The following TEAD1 variants were observed in gnomAD, a reference collection of about 807,000 sequenced individuals.
The protein encoded by TEAD1 is TEA domain transcription factor 1.
In TEAD1, 9 loss-of-function variants were observed where a neutral mutation model predicts 54.9. That is an observed-to-expected ratio of 0.16 (90% confidence interval 0.10 to 0.29). TEAD1 has a LOEUF of 0.29. TEAD1 is among the 10% of genes least tolerant of loss of function. TEAD1 has a pLI of 1.00. For missense variants in TEAD1, 387 were observed against 535.9 expected (o/e 0.72, Z 2.74); for synonymous variants, 200 against 187.8 (o/e 1.07, Z -0.53).
chr11:12,692,573 A>G (rs1037087150), intron 2 of TEAD1, among the ~76,000 whole-genome samples: 12 of 152,100 alleles, frequency 7.9e-5, no homozygotes, highest in East Asian at 1.9e-4. Flanking sequence ...AGGAAAGTAC[A>G]GTATTGTAGG....
chr11:12,915,795 C>T (rs1202906611), intron 10 of TEAD1, among the ~76,000 whole-genome samples: 1 of 152,144 alleles, frequency 6.6e-6, no homozygotes, highest in African/African-American at 2.4e-5. Context: ...AGTGAGCCAA[C>T]ATTGTGCCAC....
intron 12 of TEAD1, among the ~76,000 whole-genome samples, chr11:12,936,369 A>G (rs1323351098): frequency 2.6e-5 from 4 of 152,208 alleles, no homozygotes; most frequent in East Asian, 3.9e-4. Flanking sequence ...GCCCATGTCT[A>G]TGGAAAGAAT....
intron 3 of TEAD1, among the ~76,000 whole-genome samples, chr11:12,837,865 C>T (rs1449227384): frequency 2.0e-5 from 3 of 146,824 alleles, no homozygotes; most frequent in South Asian, 2.1e-4. Context: ...TGCAATGGCG[C>T]GATCTCATCT....
chr11:12,713,692 T>G (rs1371628282), intron 2 of TEAD1, among the ~76,000 whole-genome samples: 1 of 152,176 alleles, frequency 6.6e-6, no homozygotes, highest in East Asian at 1.9e-4. Flanking sequence ...TTATATCTCA[T>G]AGGACAAAAA....
At chr11:12,783,098 T>TTGTGTGTGTGTGTGTGTGTG (rs34564715) in intron 3 of TEAD1, among the ~76,000 whole-genome samples, 4 of 139,272 alleles carry the variant, frequency 2.9e-5, no homozygotes, top group African/African-American at 1.1e-4. Flanking sequence ...AGGTAAGGGT[T>TTGTGTGTGTGTGTGTGTGTG]TGTGTGTGTG....
chr11:12,882,899 G>A, intron 8 of TEAD1, 102 bp from the exon 9 acceptor site: 1 of 1,576,670 alleles, frequency 6.3e-7, no homozygotes, highest in African/African-American at 1.3e-5. Flanking sequence ...GGGGGCTGTT[G>A]GCATTTCCTT....
chr11:12,817,540 A>C (rs1946441512), intron 3 of TEAD1, among the ~76,000 whole-genome samples: 1 of 152,160 alleles, frequency 6.6e-6, no homozygotes, highest in South Asian at 2.1e-4. Flanking sequence ...ACCTCTTCAA[A>C]ATTTGTCGAC....
intron 3 of TEAD1, among the ~76,000 whole-genome samples, chr11:12,769,621 C>T (rs2133932984): frequency 6.6e-6 from 1 of 152,154 alleles, no homozygotes; most frequent in East Asian, 1.9e-4. Flanking sequence ...TGGAAATGGC[C>T]ATAGACTCCC....
rs547501224 is a variant in TEAD1, at chr11:12,688,282, A to G, written c.-55+12721A>G. 3.3e-5 allele frequency among the ~76,000 whole-genome samples: 5 copies of G among 152,278 alleles called. No individual in the cohort carries two copies. In the East Asian group the frequency reaches 5.8e-4, roughly 18 times the overall value. The stretch of plus-strand genomic sequence containing the variant: ...AGCCCTTCATAATCAGGACTCTGAA[A>G]AAGACACTGGGTCTTTGAAATGGGG... On this transcript the variant is annotated intron_variant, in intron 2 of 12. Coordinates refer to ENST00000527636, the MANE Select transcript of TEAD1 (RefSeq NM_021961.6).
At chr11:12,906,333 AGATCAAGACCATCCTGGCTAACACGG>A (rs1948518670) in intron 10 of TEAD1, among the ~76,000 whole-genome samples, 1 of 152,038 alleles carries the variant, frequency 6.6e-6, no homozygotes, top group South Asian at 2.1e-4. Flanking sequence ...TGAGGTCAGG[AGATCAAGACCATCCTGGCTAACACGG>A]TGAAACCCCA....
At chr11:12,688,491 C>G (rs988193706) in intron 2 of TEAD1, among the ~76,000 whole-genome samples, 2 of 152,204 alleles carry the variant, frequency 1.3e-5, no homozygotes, top group African/African-American at 4.8e-5. Flanking sequence ...CGCTTCCCAA[C>G]TTGCTTGTAC....
At chr11:12,771,784 T>C (rs1177877644) in intron 3 of TEAD1, among the ~76,000 whole-genome samples, 1 of 152,170 alleles carries the variant, frequency 6.6e-6, no homozygotes, top group Non-Finnish European at 1.5e-5. Flanking sequence ...GCTCACAATT[T>C]ATCAAGGGCA....
chr11:12,900,380 C>T (rs540554644), intron 9 of TEAD1, among the ~76,000 whole-genome samples: 3 of 152,274 alleles, frequency 2.0e-5, no homozygotes, highest in South Asian at 2.1e-4. Context: ...GCTTTTAATA[C>T]GCTAGTATTT....
chr11:12,815,826 C>T (rs1315237547), intron 3 of TEAD1, among the ~76,000 whole-genome samples: 3 of 152,232 alleles, frequency 2.0e-5, no homozygotes, highest in African/African-American at 7.2e-5. Flanking sequence ...CACACCAACA[C>T]ATATAAGTTG....
In TEAD1 at chr11:12,924,906, C is replaced by A; in HGVS notation, c.874-6C>A. 1 of 1,614,114 alleles carries A rather than the reference C, an allele frequency of 6.2e-7. No homozygotes were observed. Among genetic ancestry groups the A allele is most frequent in the Non-Finnish European group, 8.5e-7 (1 of 1,180,012 alleles). ...ATAACCCACACCTCCATTTCCTTTC[C>A]AACAGGCTGATTTAAACTGCAATAT... On this transcript the variant is annotated splice_polypyrimidine_tract_variant and splice_region_variant and intron_variant, in intron 10 of 12. Transcript: ENST00000527636.
At chr11:12,885,970 G>A (rs990476749) in intron 9 of TEAD1, among the ~76,000 whole-genome samples, 6 of 152,216 alleles carry the variant, frequency 3.9e-5, no homozygotes, top group African/African-American at 1.4e-4. Flanking sequence ...AGACAGACAC[G>A]AAACAGATGA....
intron 2 of TEAD1, among the ~76,000 whole-genome samples, chr11:12,686,929 C>T (rs1020878534): frequency 6.6e-6 from 1 of 152,106 alleles, no homozygotes; most frequent in Non-Finnish European, 1.5e-5. Context: ...TCAGCTCTGA[C>T]CAAAACAATG....
At chr11:12,762,778 G>A (rs1945127833) in intron 2 of TEAD1, among the ~76,000 whole-genome samples, 1 of 152,184 alleles carries the variant, frequency 6.6e-6, no homozygotes, top group Non-Finnish European at 1.5e-5. Flanking sequence ...CACAGGTGGG[G>A]GAGGACAGGG....
intron 3 of TEAD1, among the ~76,000 whole-genome samples, chr11:12,768,035 C>T (rs1190723265): frequency 2.6e-5 from 4 of 152,152 alleles, no homozygotes. Flanking sequence ...ACGGGAACAC[C>T]TGAATTTGTT....
Sources: gnomAD v4.1 joint callset for allele counts (sites outside exome capture counted in the v4.1 genomes callset) on GRCh38, gnomAD v4.1.1 for gene constraint, MANE v1.5 for transcripts, NCBI Gene and HGNC (gene_info 2026-07-23, HGNC 2026-07-21) for gene names.